The following RGS3 variants were observed in gnomAD, a reference collection of about 807,000 sequenced individuals.
RGS3 encodes the protein regulator of G protein signaling 3, also known as regulator of G-protein signalling 3.
RGS3 carries 80 observed loss-of-function variants against 132.6 expected under a neutral mutation model. The ratio of observed to expected loss-of-function variants is 0.60; its 90% CI spans 0.50 to 0.73. RGS3 has a LOEUF of 0.73. Ranked by LOEUF, RGS3 falls within the 30% of genes least tolerant of loss-of-function variation. RGS3 has a pLI of 0.00. For missense variants in RGS3, 1,382 were observed against 1,530.8 expected (o/e 0.90, Z 1.62); for synonymous variants, 598 against 620.6 (o/e 0.96, Z 0.54).
intron 19 of RGS3, among the ~76,000 whole-genome samples, chr9:113,543,270 G>T (rs1832977212): frequency 6.6e-6 from 1 of 152,232 alleles, no homozygotes; most frequent in Non-Finnish European, 1.5e-5. Flanking sequence ...TTGTGCCCCT[G>T]TGAGCTTGCT....
intron 19 of RGS3, among the ~76,000 whole-genome samples, chr9:113,546,228 C>T (rs2118705897): frequency 6.6e-6 from 1 of 152,294 alleles, no homozygotes; most frequent in South Asian, 2.1e-4. Flanking sequence ...GACTGCCCTC[C>T]TTGGCTGTCC....
chr9:113,522,504 T>G (rs956732439), intron 16 of RGS3: 1 of 162,774 alleles, frequency 6.1e-6, no homozygotes, highest in African/African-American at 2.4e-5. Context: ...AGCCAGACAC[T>G]TAGAGCAGAA....
upstream of RGS3, among the ~76,000 whole-genome samples, chr9:113,456,262 A>T (rs567442939): frequency 2.6e-5 from 4 of 152,114 alleles, no homozygotes; most frequent in Non-Finnish European, 4.4e-5. Flanking sequence ...TCCTAAATCT[A>T]TATTTCTAGC....
Position 113,506,550 on chromosome 9 carries a change from C to T in RGS3, c.1085+57C>T, listed in dbSNP as rs979866941. ...CAGGCTGATGGCACACCCTCCCCACCCCTGGGCACACTGCCTTGCCTGGCC... is the reference window on the plus strand; with the variant it reads ...CAGGCTGATGGCACACCCTCCCCACTCCTGGGCACACTGCCTTGCCTGGCC... On this transcript the variant is annotated intron_variant, in intron 12 of 24. Coordinates refer to ENST00000350696, the Ensembl canonical transcript of RGS3. This position sits in a 1 kb window ranked among gnomAD's most constrained non-coding sequence, Gnocchi z 4.7. 44 of 1,176,988 alleles carry T rather than the reference C, an allele frequency of 3.7e-5. No homozygotes were observed. In the East Asian group the frequency reaches 6.1e-4, roughly 16 times the overall value. 72.9% of individuals were successfully genotyped at this position (1,176,988 alleles called of 1,614,324 possible).
intron 19 of RGS3, among the ~76,000 whole-genome samples, chr9:113,546,151 T>C (rs1833105303): frequency 1.3e-5 from 2 of 152,154 alleles, no homozygotes; most frequent in South Asian, 2.1e-4. Flanking sequence ...GGCCACACCA[T>C]AAATTTTCCC....
chr9:113,590,156 C>T (rs1835343304), intron 20 of RGS3: 1 of 152,226 alleles, frequency 6.6e-6, no homozygotes, highest in Admixed American at 6.5e-5. Flanking sequence ...CAGATTCCAG[C>T]TCTGTCACTT....
At chr9:113,595,727 A>G (rs1588310917) in exon 24 of RGS3, 1 of 1,614,138 alleles carries the variant, frequency 6.2e-7, no homozygotes, top group Non-Finnish European at 8.5e-7. Flanking sequence ...GGCCAAGAAG[A>G]TCTTTGCTGA....
intron 14 of RGS3, among the ~76,000 whole-genome samples, chr9:113,510,426 C>G (rs1426405071): frequency 6.6e-6 from 1 of 152,192 alleles, no homozygotes; most frequent in Non-Finnish European, 1.5e-5. Context: ...AGTGCAGGAC[C>G]CAGGGCCTGG....
chr9:113,512,658 C>G (rs1481589264), intron 14 of RGS3, among the ~76,000 whole-genome samples: 1 of 152,116 alleles, frequency 6.6e-6, no homozygotes, highest in African/African-American at 2.4e-5. Flanking sequence ...GCCACCTGTT[C>G]CCCCCTCGCT....
In RGS3 at chr9:113,463,676, C is replaced by G. The variant is rs1212127224; in HGVS notation, c.415+1475C>G. On this transcript the variant is annotated intron_variant, in intron 3 of 24. Coordinates refer to ENST00000350696, the Ensembl canonical transcript of RGS3. The surrounding 1 kb of genome is among the most constrained non-coding windows in gnomAD (Gnocchi z 4.6). Reference sequence around the variant, plus strand: ...CAATCAGGGCCGGGCGCGCCCTGGCCGTTCCAACGCTTGGGGCAGCCCTAC... The same window carrying G: ...CAATCAGGGCCGGGCGCGCCCTGGCGGTTCCAACGCTTGGGGCAGCCCTAC... 7.1e-6 allele frequency: 10 copies of G among 1,405,022 alleles called. No individual in the cohort carries two copies. The highest frequency in any genetic ancestry group is 5.7e-5 in the East Asian group (2 of 35,336). The allele number at this position is 1,405,022 out of a possible 1,614,324, so 87.0% of individuals were successfully genotyped here.
chr9:113,455,894 T>C (rs940692843), upstream of RGS3, among the ~76,000 whole-genome samples: 1 of 152,226 alleles, frequency 6.6e-6, no homozygotes, highest in African/African-American at 2.4e-5. Context: ...AAGAATATCG[T>C]CTGGCTTTGA....
chr9:113,520,814 C>CATT (rs1249210109), intron 16 of RGS3, among the ~76,000 whole-genome samples: 1 of 151,982 alleles, frequency 6.6e-6, no homozygotes, highest in African/African-American at 2.4e-5. Flanking sequence ...CATCTCTTAA[C>CATT]ATTATTATTA....
rs559314927 is a variant in RGS3 at position 113,594,670 on chromosome 9, C to G, written c.3182+139C>G. The G allele has an allele frequency of 9.8e-5, 74 of 758,152 alleles. No individual in the cohort carries two copies. The highest frequency in any genetic ancestry group is 1.4e-4 in the Non-Finnish European group (67 of 466,178). 47.0% of individuals were successfully genotyped at this position (758,152 alleles called of 1,614,324 possible). The stretch of plus-strand genomic sequence containing the variant: ...GGGAGACAGGCTTTCACAGAGGGAG[C>G]TGGGTACCTGGCAAGCAGCTACCCT... On this transcript the variant is annotated intron_variant, in intron 22 of 24. Coordinates refer to ENST00000350696, the Ensembl canonical transcript of RGS3.
At chr9:113,567,796 G>A (rs1312742342) in intron 19 of RGS3, among the ~76,000 whole-genome samples, 1 of 152,250 alleles carries the variant, frequency 6.6e-6, no homozygotes, top group East Asian at 1.9e-4. Flanking sequence ...GACTACAGGG[G>A]ATTGGAGCTC....
chr9:113,591,513 C>A lies in RGS3; in HGVS notation c.3080+116C>A. The A allele has an allele frequency of 1.1e-6, 1 of 876,640 alleles. No homozygotes were observed. Among genetic ancestry groups the A allele is most frequent in the Non-Finnish European group, 1.9e-6 (1 of 530,448 alleles). The allele number at this position is 876,640 out of a possible 1,614,324, so 54.3% of individuals were successfully genotyped here. On this transcript the variant is annotated intron_variant, in intron 21 of 24. Transcript: ENST00000350696. This position sits in a 1 kb window ranked among gnomAD's most constrained non-coding sequence, Gnocchi z 4.4. ...GGTTGTGCCTGGTCCCGCCCACAAC[C>A]CCAGACAGACACCAAGGAAAAACTG...
chr9:113,593,864 C>T (rs1409539622), intron 21 of RGS3: 8 of 1,530,910 alleles, frequency 5.2e-6, no homozygotes, highest in Non-Finnish European at 7.1e-6. Context: ...TCCCTCCTTC[C>T]CTTTCAGCAA....
chr9:113,540,150 G>A (rs977666711), intron 19 of RGS3, among the ~76,000 whole-genome samples: 2 of 152,020 alleles, frequency 1.3e-5, no homozygotes, highest in African/African-American at 4.8e-5. Context: ...ATTATCTGTA[G>A]CTGGGGGGCG....
At chr9:113,570,783 CG>C (rs1317276559) in intron 19 of RGS3, among the ~76,000 whole-genome samples, 1 of 152,100 alleles carries the variant, frequency 6.6e-6, no homozygotes, top group African/African-American at 2.4e-5. Context: ...ATTACCGGCG[CG>C]TGCCACCATG....
At chr9:113,493,518 A>G (rs113304149) in intron 7 of RGS3, among the ~76,000 whole-genome samples, 3,777 of 152,232 alleles carry the variant, frequency 0.025, 67 homozygotes, top group Admixed American at 0.037. Context: ...TTGAGGAGCA[A>G]TCCCCCAGCA....
Sources: gnomAD v4.1 joint callset for allele counts (sites outside exome capture counted in the v4.1 genomes callset) on GRCh38, gnomAD v4.1.1 for gene constraint, Gnocchi (gnomAD v3.1) non-coding constraint, MANE v1.5 for transcripts, NCBI Gene and HGNC (gene_info 2026-07-23, HGNC 2026-07-21) for gene names.